The following CCDC171 variants were observed in gnomAD, a reference collection of about 807,000 sequenced individuals.
CCDC171 encodes coiled-coil domain-containing protein 171.
Under a neutral mutation model 168.2 loss-of-function variants are expected in CCDC171, and 177 were observed. The observed-to-expected ratio is 1.05, with a 90% CI of 0.93 to 1.19. The LOEUF is 1.19. Ranked by LOEUF, CCDC171 falls within the 50% of genes most tolerant of loss-of-function variation. CCDC171 has a pLI of 0.00. For synonymous variants in CCDC171, 687 were observed against 540.8 expected (o/e 1.27, Z -3.75); for missense variants, 1,991 against 1,539.0 (o/e 1.29, Z -4.91).
intron 24 of CCDC171, among the ~76,000 whole-genome samples, chr9:15,897,601 T>TTATTA (rs1821081563): frequency 6.6e-6 from 1 of 152,164 alleles, no homozygotes; most frequent in Non-Finnish European, 1.5e-5. Flanking sequence ...AGAGTAATAC[T>TTATTA]TATTAATGAT....
At chr9:15,754,300 A>G (rs993214650) in intron 18 of CCDC171, among the ~76,000 whole-genome samples, 3 of 152,180 alleles carry the variant, frequency 2.0e-5, no homozygotes, top group Non-Finnish European at 4.4e-5. Flanking sequence ...TCTAGTTATC[A>G]GTTGTGTGAA....
At chr9:15,948,460 T>C (rs1320314757) in intron 25 of CCDC171, among the ~76,000 whole-genome samples, 3 of 147,268 alleles carry the variant, frequency 2.0e-5, no homozygotes, top group African/African-American at 7.4e-5. Flanking sequence ...AAAGTGTTCC[T>C]ATTTCTCCAC....
At chr9:15,593,285 G>A (rs541636290) in intron 5 of CCDC171, among the ~76,000 whole-genome samples, 9 of 152,152 alleles carry the variant, frequency 5.9e-5, no homozygotes, top group African/African-American at 1.9e-4. Context: ...CTGTTAATGG[G>A]AACTTAATTT....
chr9:15,877,862 C>G (rs1009385695), intron 24 of CCDC171, among the ~76,000 whole-genome samples: 3 of 152,048 alleles, frequency 2.0e-5, no homozygotes, highest in Non-Finnish European at 4.4e-5. Flanking sequence ...TAATAACTGG[C>G]AAATATTAGT....
Position 15,848,890 on chromosome 9 carries a change from TA to T in CCDC171, c.3414-2del. On this transcript the variant is annotated splice_acceptor_variant, in intron 22 of 25. Transcript: ENST00000380701. LOFTEE classifies it high-confidence loss of function. The stretch of plus-strand genomic sequence containing the variant: ...CTAACACTTAATCTTTTATTTTTTC[TA>T]GAGACAAAGAATGTGTTGCTAATCA... 6.5e-7 allele frequency: 1 copy of T among 1,545,956 alleles called. No homozygotes were observed. Among genetic ancestry groups the T allele is most frequent in the Non-Finnish European group, 8.8e-7 (1 of 1,134,710 alleles).
chr9:15,779,031 G>A lies in CCDC171; in HGVS notation c.2962G>A (p.Val988Met), dbSNP rs766996067. ...TACACAAAGACTGCATGCTGCAGAA[G>A]TGGAGCGCCGCTCACTACGCTTAGA... ...GFTQRLHAAEVERRSLRLEVT... is the reference protein window; with the variant it reads ...GFTQRLHAAEMERRSLRLEVT... Residue 988 changes from valine (V) to methionine (M), a missense_variant, in exon 20 of 26, where the codon GTG (valine) becomes ATG (methionine). By Grantham distance (21) the Val-to-Met change is conservative. Transcript: ENST00000380701. The A allele has an allele frequency of 3.0e-5, 48 of 1,599,798 alleles. No homozygotes were observed. Among genetic ancestry groups the A allele is most frequent in the Non-Finnish European group, 3.5e-5 (41 of 1,173,910 alleles).
chr9:15,713,935 G>C (rs1179915325), intron 11 of CCDC171, among the ~76,000 whole-genome samples: 1 of 151,558 alleles, frequency 6.6e-6, no homozygotes, highest in African/African-American at 2.4e-5. Context: ...TACATTGCTG[G>C]TCCTGCTAGA....
At position 15,638,046 on chromosome 9, in the gene CCDC171, C is replaced by A. The variant is rs939173454; in HGVS notation, c.822+14633C>A. 3.3e-5 allele frequency among the ~76,000 whole-genome samples: 5 copies of A among 152,294 alleles called. No individual in the cohort carries two copies. In the South Asian group the frequency reaches 1.0e-3, roughly 32 times the overall value. ...TCTAGATCCCTGAGGAATCACCACA[C>A]TGACTTCCACAATATTTTTACTTTA... On this transcript the variant is annotated intron_variant, in intron 7 of 25. Transcript: ENST00000380701.
chr9:15,628,182 C>G (rs1366998155), intron 7 of CCDC171, among the ~76,000 whole-genome samples: 1 of 152,116 alleles, frequency 6.6e-6, no homozygotes, highest in Non-Finnish European at 1.5e-5. Flanking sequence ...GGGCGCAGGA[C>G]AGTGGGTGCA....
intron 9 of CCDC171, among the ~76,000 whole-genome samples, chr9:15,677,926 A>ATATAG (rs1554754419): frequency 3.5e-5 from 1 of 28,238 alleles, no homozygotes; most frequent in Non-Finnish European, 5.7e-5. Flanking sequence ...ATATATATAT[A>ATATAG]AGAGATGTGG....
intron 3 of CCDC171, among the ~76,000 whole-genome samples, chr9:16,002,785 C>A (rs1272117358): frequency 6.6e-6 from 1 of 152,150 alleles, no homozygotes; most frequent in Non-Finnish European, 1.5e-5. Flanking sequence ...TGTAGTTGTA[C>A]CATTTTTTAT....
At chr9:16,096,073 G>A in the CCDC171 span, among the ~76,000 whole-genome samples, 1 of 151,768 alleles carries the variant, frequency 6.6e-6, no homozygotes, top group African/African-American at 2.4e-5. Context: ...TCTTCCAACA[G>A]GTAGAATTCT....
At chr9:15,809,852 C>G (rs1419992914) in intron 21 of CCDC171, among the ~76,000 whole-genome samples, 1 of 152,156 alleles carries the variant, frequency 6.6e-6, no homozygotes, top group Non-Finnish European at 1.5e-5. Context: ...GCTTTTATTC[C>G]CTTATCTGGA....
chr9:16,092,517 C>T, the CCDC171 span, among the ~76,000 whole-genome samples: 5 of 152,284 alleles, frequency 3.3e-5, no homozygotes, highest in African/African-American at 4.8e-5. Flanking sequence ...CCCACCCCGC[C>T]GCCCAAGCAG....
chr9:16,046,772 T>C (rs1031696788), intron 1 of CCDC171, among the ~76,000 whole-genome samples: 1 of 152,212 alleles, frequency 6.6e-6, no homozygotes, highest in Non-Finnish European at 1.5e-5. Flanking sequence ...CCTTCCACCA[T>C]GATTATGAGG....
intron 24 of CCDC171, among the ~76,000 whole-genome samples, chr9:15,892,444 C>T (rs925158459): frequency 2.0e-5 from 3 of 152,130 alleles, no homozygotes; most frequent in African/African-American, 7.2e-5. Context: ...GCCTTTTCTG[C>T]ATCTATTGAG....
At chr9:15,701,972 A>T (rs1019189900) in intron 11 of CCDC171, among the ~76,000 whole-genome samples, 40 of 152,318 alleles carry the variant, frequency 2.6e-4, no homozygotes, top group African/African-American at 8.4e-4. Context: ...GCCTTATGAA[A>T]TGTATTTATT....
intron 7 of CCDC171, among the ~76,000 whole-genome samples, chr9:15,637,713 TGC>T (rs2046308629): frequency 6.7e-6 from 1 of 148,218 alleles, no homozygotes; most frequent in East Asian, 2.0e-4. Flanking sequence ...AGTGAGAACA[TGC>T]GGTGTTTGGT....
intron 21 of CCDC171, among the ~76,000 whole-genome samples, chr9:15,804,468 T>C (rs367796756): frequency 9.5e-4 from 144 of 151,764 alleles, no homozygotes; most frequent in African/African-American, 3.3e-3. Flanking sequence ...AGGCCTTTTT[T>C]TTTTGCATCT....
Sources: allele counts gnomAD v4.1 joint callset (sites outside exome capture counted in the v4.1 genomes callset), GRCh38; gene constraint gnomAD v4.1.1; transcripts MANE v1.5; gene names NCBI Gene and HGNC (gene_info 2026-07-23, HGNC 2026-07-21).